Variants in MYOM2 observed in about 807,000 individuals in gnomAD.
The protein encoded by MYOM2 is myomesin-2.
A neutral mutation model predicts 187.6 loss-of-function variants in MYOM2; 254 were observed. That is an observed-to-expected ratio of 1.35 (90% CI 1.22 to 1.50). The LOEUF is 1.50. Among genes scored for constraint, MYOM2 ranks in the 40% most tolerant of loss-of-function variants. MYOM2 has a pLI of 0.00. For synonymous variants in MYOM2, 981 were observed against 753.8 expected, an observed-to-expected ratio of 1.30 and a Z score of -4.94; for missense variants, 2,796 against 1,924.0, an observed-to-expected ratio of 1.45 and a Z score of -8.48.
At chr8:2,093,870 T>C in intron 16 of MYOM2, 100 bp from the exon 17 acceptor site, 1 of 1,434,922 alleles carries the variant, frequency 7.0e-7, no homozygotes, top group Non-Finnish European at 9.5e-7. Flanking sequence ...ATGTTATCCA[T>C]AAAAATTTTT....
At chr8:2,136,141 A>AGTGTGTGTGATG in intron 32 of MYOM2, among the ~76,000 whole-genome samples, 1 of 152,220 alleles carries the variant, frequency 6.6e-6, no homozygotes, top group Admixed American at 6.5e-5. Context: ...ATGCAAGAGA[A>AGTGTGTGTGATG]CCTGGGGTCA....
intron 27 of MYOM2, among the ~76,000 whole-genome samples, chr8:2,116,973 C>G (rs1296795725): frequency 2.0e-5 from 3 of 152,250 alleles, no homozygotes; most frequent in African/African-American, 4.8e-5. Context: ...CCGTGTTAAC[C>G]AGGATGGTCT....
chr8:2,062,611 C>G (rs942698261), intron 6 of MYOM2, among the ~76,000 whole-genome samples: 14 of 152,296 alleles, frequency 9.2e-5, no homozygotes, highest in Admixed American at 2.0e-4. Flanking sequence ...CCAAGTTTTT[C>G]AGAGAGAAAC....
chr8:2,096,520 A>G (rs2116755879), intron 18 of MYOM2, 86 bp downstream of exon 18: 2 of 1,302,104 alleles, frequency 1.5e-6, no homozygotes, highest in Middle Eastern at 1.9e-4. Flanking sequence ...ATGACATTAG[A>G]TAGTTTGATA....
chr8:2,100,133 C>CTTCCTTCCTTCT (rs1796650997), intron 19 of MYOM2, among the ~76,000 whole-genome samples: 7 of 89,320 alleles, frequency 7.8e-5, no homozygotes, highest in South Asian at 3.5e-4. Flanking sequence ...TCCTTCTTTC[C>CTTCCTTCCTTCT]TTCCTTCCTT....
At chr8:2,051,273 GAGGCA>G (rs1215038206) in intron 2 of MYOM2, among the ~76,000 whole-genome samples, 1 of 152,186 alleles carries the variant, frequency 6.6e-6, no homozygotes, top group Non-Finnish European at 1.5e-5. Flanking sequence ...GACAGAATGG[GAGGCA>G]ATATTAGTGA....
chr8:2,102,826 G>A, intron 21 of MYOM2, 45 bp downstream of exon 21: 1 of 1,478,596 alleles, frequency 6.8e-7, no homozygotes. Context: ...GATTTGTGGG[G>A]AGAGTGTGCA....
In MYOM2 at chr8:2,143,451, G is replaced by T. The variant is rs770342817; in HGVS notation, c.4075G>T (p.Gly1359Trp). The change falls in exon 36 of 37, where the codon GGG becomes TGG. Residue 1359 changes from glycine (G) to tryptophan (W), a missense_variant. Coordinates refer to ENST00000262113, the MANE Select transcript of MYOM2 (RefSeq NM_003970.4). ...GLPDVVTIME[G>W]KTLNLTCTVF... ...GCCTGACGTGGTGACCATCATGGAA[G>T]GGAAGGTGAGGATTCTAAACTCGGC... 58 of 1,614,020 alleles carry T rather than the reference G, an allele frequency of 3.6e-5. No homozygotes were observed. Among genetic ancestry groups the T allele is most frequent in the Non-Finnish European group, 4.2e-5 (49 of 1,180,034 alleles).
rs1218050749 is a variant in MYOM2, at chr8:2,094,039, G to A, written c.2073G>A (p.Gly691=). The change falls in exon 17 of 37, where the codon GGG becomes GGA. Residue 691 remains glycine (G), a synonymous_variant. Transcript: ENST00000262113. ...GAGTCAAGGCGGTCAATGCTGTGGG[G>A]ATGAGTGAAAATTCCCAGGAATCAG... The part of the protein sequence containing the change: ...IFRVKAVNAV[G]MSENSQESDV... 1 of 1,614,030 alleles carries A rather than the reference G, an allele frequency of 6.2e-7. No individual in the cohort carries two copies. Among genetic ancestry groups the A allele is most frequent in the African/African-American group, 1.3e-5 (1 of 74,898 alleles).
At position 2,057,451 on chromosome 8, in the gene MYOM2, C is replaced by T. The variant is rs143720590; in HGVS notation, c.367C>T (p.Arg123Cys). The change falls in exon 4 of 37, where the codon CGC becomes TGC. Residue 123 changes from arginine to cysteine, a missense_variant. By Grantham distance (180) the Arg-to-Cys change is radical. Coordinates refer to ENST00000262113, the MANE Select transcript of MYOM2 (RefSeq NM_003970.4). Reference protein sequence around the residue: ...EDVHLARSQARDKLDKYAIQQ... With the variant: ...EDVHLARSQACDKLDKYAIQQ... ...TGTCCACCTGGCACGCTCCCAGGCC[C>T]GCGACAAGCTGGACAAATACGCCAT... is the stretch of plus-strand genomic sequence containing the variant. 1,055 of 1,614,002 alleles carry T rather than the reference C, an allele frequency of 6.5e-4. 6 individuals carry two copies. The African/African-American group carries it at 0.012, about 19-fold the overall frequency.
chr8:2,091,790 A>G (rs1796312077), intron 15 of MYOM2, among the ~76,000 whole-genome samples: 1 of 152,140 alleles, frequency 6.6e-6, no homozygotes, highest in African/African-American at 2.4e-5. Context: ...TCCATCACTG[A>G]GACACACTGT....
intron 13 of MYOM2, among the ~76,000 whole-genome samples, chr8:2,084,091 AG>A (rs1188380642): frequency 7.2e-5 from 11 of 152,362 alleles, no homozygotes; most frequent in African/African-American, 2.6e-4. Flanking sequence ...AATTTCGGCA[AG>A]TGTTACAGAA....
intron 3 of MYOM2, among the ~76,000 whole-genome samples, chr8:2,054,850 A>G (rs1818603678): frequency 6.6e-6 from 1 of 152,178 alleles, no homozygotes; most frequent in African/African-American, 2.4e-5. Flanking sequence ...TCTTGAACAC[A>G]TATTCCTAGA....
In MYOM2 at chr8:2,136,468, C is replaced by A. The variant is rs1279393555; in HGVS notation, c.3801-4255C>A. On this transcript the variant is annotated intron_variant, in intron 32 of 36. Coordinates refer to ENST00000262113, the MANE Select transcript of MYOM2 (RefSeq NM_003970.4). ...TTACAGTGGTTTTTACCCTTCGTCA[C>A]TGGCTGAGATTTGGGTTCAAGTGTT... 3.3e-5 allele frequency among the ~76,000 whole-genome samples: 5 copies of A among 152,344 alleles called. No individual in the cohort carries two copies. In the East Asian group the frequency reaches 7.7e-4, roughly 24 times the overall value.
At chr8:2,141,280 G>C in intron 34 of MYOM2, 103 bp downstream of exon 34, 2 of 959,590 alleles carry the variant, frequency 2.1e-6, no homozygotes, top group East Asian at 2.5e-5. Context: ...GTGACCTAAA[G>C]AAAGAGCCAT....
chr8:2,137,164 T>TG lies in MYOM2; in HGVS notation c.3801-3559_3801-3558insG, dbSNP rs1798106907. Among the ~76,000 whole-genome samples the TG allele has an allele frequency of 2.0e-5, 3 of 151,532 alleles. No individual in the cohort carries two copies. In the South Asian group the frequency reaches 6.3e-4, roughly 32 times the overall value. The stretch of plus-strand genomic sequence containing the variant: ...TAGTTTTGGCACATAATTTAGCTCT[T>TG]TGAAGAAGACACATTTGAGTTAATG... On this transcript the variant is annotated intron_variant, in intron 32 of 36. Coordinates refer to ENST00000262113, the MANE Select transcript of MYOM2 (RefSeq NM_003970.4).
At chr8:2,133,406 A>C (rs1797944077) in intron 32 of MYOM2, among the ~76,000 whole-genome samples, 1 of 152,170 alleles carries the variant, frequency 6.6e-6, no homozygotes, top group Admixed American at 6.5e-5. Flanking sequence ...TGAAACCTTC[A>C]GTGGACTTGA....
intron 15 of MYOM2, 37 bp from the exon 16 acceptor site, chr8:2,092,309 A>C (rs1211638083): frequency 6.2e-7 from 1 of 1,604,078 alleles, no homozygotes. Context: ...CAAAGCTCTG[A>C]TGCCATTTCA....
chr8:2,103,893 G>T (rs933511349), intron 21 of MYOM2, among the ~76,000 whole-genome samples: 1 of 152,156 alleles, frequency 6.6e-6, no homozygotes, highest in Non-Finnish European at 1.5e-5. Context: ...GGGAGATAGT[G>T]CATGTGTTAT....
Sources: gnomAD v4.1 joint callset for allele counts (sites outside exome capture counted in the v4.1 genomes callset) on GRCh38, gnomAD v4.1.1 for gene constraint, MANE v1.5 for transcripts, NCBI Gene and HGNC (gene_info 2026-07-23, HGNC 2026-07-21) for gene names.